The following ARHGEF33 variants were observed in gnomAD, a reference collection of about 807,000 sequenced individuals.
ARHGEF33 encodes DH and coiled-coil domain-containing protein ENSP00000381780.
Under a neutral mutation model 101.9 loss-of-function variants are expected in ARHGEF33, and 72 were observed. The observed-to-expected ratio is 0.71, with a 90% confidence interval of 0.58 to 0.86. The LOEUF is 0.86. ARHGEF33 is among the 40% of genes least tolerant of loss of function. ARHGEF33 has a pLI of 0.00. For synonymous variants in ARHGEF33, 499 were observed against 442.5 expected (o/e 1.13, Z -1.60); for missense variants, 1,169 against 1,111.3 (o/e 1.05, Z -0.74).
At chr2:38,949,146 GA>G (rs968046282) in intron 10 of ARHGEF33, among the ~76,000 whole-genome samples, 6 of 151,948 alleles carry the variant, frequency 3.9e-5, no homozygotes, top group African/African-American at 1.2e-4. Context: ...GAAATGAGTT[GA>G]AAAAAACCTC....
intron 4 of ARHGEF33, among the ~76,000 whole-genome samples, chr2:38,923,362 A>T (rs1217118882): frequency 1.3e-5 from 2 of 152,192 alleles, no homozygotes; most frequent in African/African-American, 4.8e-5. Flanking sequence ...AAAGGAGGGA[A>T]GCTGGGGAGG....
chr2:38,892,746 C>G (rs1307436462), intron 1 of ARHGEF33, among the ~76,000 whole-genome samples: 1 of 152,096 alleles, frequency 6.6e-6, no homozygotes, highest in Non-Finnish European at 1.5e-5. Flanking sequence ...AGTGACTATC[C>G]AACTCTTTTT....
intron 2 of ARHGEF33, among the ~76,000 whole-genome samples, chr2:38,913,676 C>T (rs953279215): frequency 1.3e-5 from 2 of 150,830 alleles, no homozygotes; most frequent in Admixed American, 1.3e-4. Flanking sequence ...TTCAGGAGGC[C>T]GAGGCACGAG....
intron 4 of ARHGEF33, among the ~76,000 whole-genome samples, chr2:38,927,208 C>T (rs1301526412): frequency 1.3e-5 from 2 of 152,080 alleles, no homozygotes; most frequent in Non-Finnish European, 2.9e-5. Context: ...AGCAATCCTT[C>T]GTAAAGCACA....
At chr2:38,945,608 G>A (rs1037100936) in intron 10 of ARHGEF33, among the ~76,000 whole-genome samples, 5 of 152,230 alleles carry the variant, frequency 3.3e-5, no homozygotes, top group African/African-American at 1.2e-4. Context: ...CTGTCTTGCT[G>A]TTGCCAAAGA....
chr2:38,956,232 A>C (rs1014587936), intron 13 of ARHGEF33, among the ~76,000 whole-genome samples: 1 of 152,150 alleles, frequency 6.6e-6, no homozygotes, highest in Non-Finnish European at 1.5e-5. Context: ...CTTGAGTTCA[A>C]ATCTTGCCTC....
In ARHGEF33 at chr2:38,893,397, C is replaced by T. The variant is rs544306605; in HGVS notation, c.-158-2380C>T. On this transcript the variant is annotated intron_variant, in intron 1 of 17. Transcript: ENST00000409978. ...CTGATCTCGAACTCCTGAGCTCAAG[C>T]GATTTACCTGCCTCAGCCTCCCAAA... 8.0e-4 allele frequency among the ~76,000 whole-genome samples: 122 copies of T among 152,178 alleles called. 1 individual carries two copies. The highest frequency in any genetic ancestry group is 3.2e-3 in the Admixed American group (49 of 15,274).
At chr2:38,903,275 A>C (rs1196946937) in intron 2 of ARHGEF33, among the ~76,000 whole-genome samples, 1 of 152,218 alleles carries the variant, frequency 6.6e-6, no homozygotes, top group Non-Finnish European at 1.5e-5. Context: ...ACAGGATTTT[A>C]AGAAGCAGGG....
chr2:38,946,052 A>G (rs972933422), intron 10 of ARHGEF33, among the ~76,000 whole-genome samples: 1 of 152,192 alleles, frequency 6.6e-6, no homozygotes, highest in Non-Finnish European at 1.5e-5. Flanking sequence ...GTCTCTTCCT[A>G]TTTCAAAATT....
chr2:38,920,605 A>G (rs1222021041), intron 3 of ARHGEF33, among the ~76,000 whole-genome samples: 2 of 151,538 alleles, frequency 1.3e-5, no homozygotes, highest in Non-Finnish European at 2.9e-5. Context: ...ACAGGGTTTC[A>G]CCATGTTGGC....
Position 38,960,815 on chromosome 2 carries a change from C to T in ARHGEF33, c.2343+167C>T, listed in dbSNP as rs539052106. ...AGGCGGAGGGAGAGCAGGGGCAGCC[C>T]CCGCGCCCTGCGAGCTGTAGGCTGC... On this transcript the variant is annotated intron_variant, in intron 16 of 17. Coordinates refer to ENST00000409978, the MANE Select transcript of ARHGEF33 (RefSeq NM_001145451.5). Among the ~76,000 whole-genome samples, 14 of 152,096 alleles carry T rather than the reference C, an allele frequency of 9.2e-5. No homozygotes were observed. The South Asian group carries it at 2.7e-3, about 29-fold the overall frequency.
At chr2:38,971,834 G>C in intron 17 of ARHGEF33, 2 of 718,580 alleles carry the variant, frequency 2.8e-6, no homozygotes, top group Non-Finnish European at 5.2e-6. Context: ...TATGGACTTT[G>C]AAAACTAGAC....
chr2:38,961,066 C>T (rs1252427134), intron 16 of ARHGEF33, among the ~76,000 whole-genome samples: 1 of 152,196 alleles, frequency 6.6e-6, no homozygotes, highest in Non-Finnish European at 1.5e-5. Flanking sequence ...CAGTGTGTTT[C>T]TTCTGTCTGT....
chr2:38,935,539 CA>C (rs1329689098), intron 7 of ARHGEF33, among the ~76,000 whole-genome samples: 4 of 152,196 alleles, frequency 2.6e-5, no homozygotes, highest in African/African-American at 9.7e-5. Flanking sequence ...AAGCAGTTTA[CA>C]AATACTAACT....
chr2:38,935,346 A>G (rs1263466236), intron 7 of ARHGEF33, among the ~76,000 whole-genome samples: 2 of 144,222 alleles, frequency 1.4e-5, no homozygotes, highest in African/African-American at 5.2e-5. Flanking sequence ...ATGCCCGGCT[A>G]ATTTCTGGGT....
chr2:38,972,959 G>A (rs1268317678), intron 17 of ARHGEF33: 1 of 152,148 alleles, frequency 6.6e-6, no homozygotes, highest in Admixed American at 6.5e-5. Context: ...TAGCCAAAGG[G>A]CCCCAGTCTA....
chr2:38,956,608 G>A (rs1049210859), intron 13 of ARHGEF33, among the ~76,000 whole-genome samples: 2 of 152,148 alleles, frequency 1.3e-5, no homozygotes, highest in Non-Finnish European at 2.9e-5. Flanking sequence ...TTAGAATGCC[G>A]CTATTATTTC....
intron 3 of ARHGEF33, among the ~76,000 whole-genome samples, chr2:38,920,511 G>A (rs1405218058): frequency 7.0e-6 from 1 of 142,700 alleles, no homozygotes; most frequent in African/African-American, 2.6e-5. Context: ...GGGTTCAAGC[G>A]ATTCTCCTGC....
In ARHGEF33 at chr2:38,943,946, AAT is replaced by A; in HGVS notation, c.839_840del (p.Tyr280CysfsTer3). 1 of 1,551,932 alleles carries A rather than the reference AAT, an allele frequency of 6.4e-7. No homozygotes were observed. Among genetic ancestry groups the A allele is most frequent in the Non-Finnish European group, 8.7e-7 (1 of 1,147,004 alleles). On this transcript the variant is annotated frameshift_variant, in exon 10 of 18. Coordinates refer to ENST00000409978, the MANE Select transcript of ARHGEF33 (RefSeq NM_001145451.5). LOFTEE classifies it high-confidence loss of function. ...CTGGAACTGCTTGAATCTGAAAGAA[AAT>A]ATGTCATTAACATCTCTCTGATCTT...
Sources: allele counts gnomAD v4.1 joint callset (sites outside exome capture counted in the v4.1 genomes callset), GRCh38; gene constraint gnomAD v4.1.1; transcripts MANE v1.5; gene names NCBI Gene and HGNC (gene_info 2026-07-23, HGNC 2026-07-21).